Variants in CDH1 observed in about 807,000 individuals in gnomAD.
CDH1 encodes cadherin-1.
In CDH1, 35 loss-of-function variants were observed where a neutral mutation model predicts 84.5. That is an observed-to-expected ratio of 0.41 (90% CI 0.32 to 0.55). The LOEUF is 0.55. Ranked by LOEUF, CDH1 falls within the 20% of genes least tolerant of loss-of-function variation. CDH1 has a pLI of 0.19. For missense variants in CDH1, 994 were observed against 1,126.6 expected (o/e 0.88, Z 1.68); for synonymous variants, 417 against 439.0 (o/e 0.95, Z 0.63).
intron 2 of CDH1, among the ~76,000 whole-genome samples, chr16:68,766,087 T>G (rs1431944387): frequency 6.6e-6 from 1 of 151,976 alleles, no homozygotes; most frequent in African/African-American, 2.4e-5. Context: ...GTGAAACCCC[T>G]TCTCTACTAA....
chr16:68,742,957 G>T (rs1283317368), intron 2 of CDH1, among the ~76,000 whole-genome samples: 4 of 152,178 alleles, frequency 2.6e-5, no homozygotes, highest in Non-Finnish European at 5.9e-5. Context: ...CCGCCCTCCT[G>T]GCCTTGCCTT....
chr16:68,790,802 G>C (rs1266278120), intron 2 of CDH1, among the ~76,000 whole-genome samples: 1 of 152,142 alleles, frequency 6.6e-6, no homozygotes, highest in East Asian at 1.9e-4. Flanking sequence ...GAGCAGAGAA[G>C]CAACCCCAGC....
At chr16:68,825,782 T>C (rs1199475025) in intron 13 of CDH1, among the ~76,000 whole-genome samples, 1 of 151,004 alleles carries the variant, frequency 6.6e-6, no homozygotes, top group Admixed American at 6.6e-5. Context: ...TACTGACCAG[T>C]ACATTCATTC....
At chr16:68,820,194 G>A (rs758415594) in intron 11 of CDH1, among the ~76,000 whole-genome samples, 2 of 151,290 alleles carry the variant, frequency 1.3e-5, no homozygotes, top group African/African-American at 2.4e-5. Flanking sequence ...GCAAGACTCT[G>A]TCTCCAAAAA....
At chr16:68,739,707 C>T (rs1037086125) in intron 2 of CDH1, among the ~76,000 whole-genome samples, 1 of 149,488 alleles carries the variant, frequency 6.7e-6, no homozygotes, top group African/African-American at 2.5e-5. Context: ...CTCTGGCTCC[C>T]AGGTTCAAGT....
chr16:68,783,611 A>G, intron 2 of CDH1, among the ~76,000 whole-genome samples: 1 of 152,150 alleles, frequency 6.6e-6, no homozygotes, highest in East Asian at 1.9e-4. Context: ...TTAAAGACAG[A>G]TTCTTCCCAT....
At chr16:68,757,369 T>C (rs1430311833) in intron 2 of CDH1, among the ~76,000 whole-genome samples, 1 of 152,110 alleles carries the variant, frequency 6.6e-6, no homozygotes, top group African/African-American at 2.4e-5. Context: ...GTGTGAGCCA[T>C]GGCAACCAGC....
Position 68,819,445 on chromosome 16 carries a change from G to T in CDH1, c.1711+20G>T, listed in dbSNP as rs754802438. On this transcript the variant is annotated intron_variant, in intron 11 of 15. Transcript: ENST00000261769. ...ACAATGGTAAGGGGGCCTCATCTGA[G>T]CCTTTGCTGCCTCGACCTCCTAGCT... 12 of 1,612,068 alleles carry T rather than the reference G, an allele frequency of 7.4e-6. No individual in the cohort carries two copies. Among genetic ancestry groups the T allele is most frequent in the Non-Finnish European group, 9.3e-6 (11 of 1,179,514 alleles).
At chr16:68,748,118 T>C (rs1186139639) in intron 2 of CDH1, among the ~76,000 whole-genome samples, 1 of 147,872 alleles carries the variant, frequency 6.8e-6, no homozygotes, top group South Asian at 2.1e-4. Flanking sequence ...TTACTTTTTT[T>C]TTTTTTTTTT....
chr16:68,755,375 CTG>C (rs964884051), intron 2 of CDH1, among the ~76,000 whole-genome samples: 7 of 150,664 alleles, frequency 4.6e-5, no homozygotes, highest in African/African-American at 1.7e-4. Context: ...TTGAAAAAGA[CTG>C]TTCTCTAGTC....
At chr16:68,780,933 G>A (rs1959860235) in intron 2 of CDH1, among the ~76,000 whole-genome samples, 1 of 152,232 alleles carries the variant, frequency 6.6e-6, no homozygotes, top group Non-Finnish European at 1.5e-5. Flanking sequence ...GCCTGACCGA[G>A]GTTGTAGCAA....
rs1597898030 is a variant in CDH1, at chr16:68,815,646, C to G, written c.1452C>G (p.Pro484=). 1 of 1,614,200 alleles carries G rather than the reference C, an allele frequency of 6.2e-7. No individual in the cohort carries two copies. Among genetic ancestry groups the G allele is most frequent in the Admixed American group, 1.7e-5 (1 of 60,022 alleles). The change falls in exon 10 of 16, where the codon CCC becomes CCG. Residue 484 remains proline, a synonymous_variant. Coordinates refer to ENST00000261769, the MANE Select transcript of CDH1 (RefSeq NM_004360.5). ...TVDVLDVNEA[P]IFVPPEKRVE... ...ATGTGCTGGATGTGAATGAAGCCCC[C>G]ATCTTTGTGCCTCCTGAAAAGAGAG...
chr16:68,823,302 C>T, intron 12 of CDH1, 97 bp from the exon 13 acceptor site: 1 of 843,604 alleles, frequency 1.2e-6, no homozygotes, highest in Non-Finnish European at 2.0e-6. Flanking sequence ...CTTCACTCGG[C>T]TTGCGGGTGT....
intron 2 of CDH1, among the ~76,000 whole-genome samples, chr16:68,792,621 A>G (rs1254949338): frequency 1.3e-5 from 2 of 152,180 alleles, no homozygotes; most frequent in African/African-American, 2.4e-5. Flanking sequence ...AGAGAAGGAA[A>G]CAGCATTTGT....
At chr16:68,755,492 C>T (rs1284747012) in intron 2 of CDH1, among the ~76,000 whole-genome samples, 3 of 151,804 alleles carry the variant, frequency 2.0e-5, no homozygotes, top group Admixed American at 6.6e-5. Context: ...GCAATACCCC[C>T]GCCTTGGCCT....
chr16:68,748,314 G>T (rs1286296669), intron 2 of CDH1, among the ~76,000 whole-genome samples: 1 of 149,332 alleles, frequency 6.7e-6, no homozygotes, highest in Non-Finnish European at 1.5e-5. Context: ...GTTTCTCCAT[G>T]TTCATCAGGT....
chr16:68,781,408 C>T (rs1365650758), intron 2 of CDH1, among the ~76,000 whole-genome samples: 2 of 152,106 alleles, frequency 1.3e-5, no homozygotes, highest in South Asian at 2.1e-4. Context: ...GGTGTGATCA[C>T]GGCTAGTTGC....
At chr16:68,819,676 A>C (rs1961088224) in intron 11 of CDH1, among the ~76,000 whole-genome samples, 1 of 152,102 alleles carries the variant, frequency 6.6e-6, no homozygotes, top group Admixed American at 6.6e-5. Context: ...GTAATTGTTC[A>C]TCATCTACCC....
At chr16:68,786,909 A>G (rs951589261) in intron 2 of CDH1, among the ~76,000 whole-genome samples, 6 of 152,174 alleles carry the variant, frequency 3.9e-5, no homozygotes, top group African/African-American at 1.4e-4. Context: ...CAAAGGTCAG[A>G]GGCAGAGGGT....
Sources: gnomAD v4.1 joint callset for allele counts (sites outside exome capture counted in the v4.1 genomes callset) on GRCh38, gnomAD v4.1.1 for gene constraint, MANE v1.5 for transcripts, NCBI Gene and HGNC (gene_info 2026-07-23, HGNC 2026-07-21) for gene names.